Variants in GLIS1 observed in about 807,000 individuals in gnomAD.
GLIS1 encodes the protein GLIS family zinc finger 1, also known as zinc finger protein GLIS1.
In GLIS1, 24 loss-of-function variants were observed where a neutral mutation model predicts 63.8. The observed-to-expected ratio is 0.38, with a 90% CI of 0.27 to 0.53. GLIS1 has a LOEUF of 0.53. GLIS1 is among the 20% of genes least tolerant of loss of function. The pLI is 0.85. For missense variants in GLIS1, 1,036 were observed against 1,074.1 expected, an observed-to-expected ratio of 0.96 and a Z score of 0.50; for synonymous variants, 450 against 482.5, an observed-to-expected ratio of 0.93 and a Z score of 0.88.
intron 2 of GLIS1, among the ~76,000 whole-genome samples, chr1:53,632,861 G>A (rs1474928938): frequency 1.3e-5 from 2 of 150,210 alleles, no homozygotes; most frequent in African/African-American, 4.9e-5. Context: ...ATGTGACCGA[G>A]AGGCATGTGT....
intron 2 of GLIS1, among the ~76,000 whole-genome samples, chr1:53,700,038 G>C (rs1320914269): frequency 6.6e-6 from 1 of 152,194 alleles, no homozygotes; most frequent in East Asian, 1.9e-4. Flanking sequence ...CTCAAATCCA[G>C]GCTTCCCTGA....
At chr1:53,599,314 G>A (rs184412888) in intron 3 of GLIS1, among the ~76,000 whole-genome samples, 4 of 152,314 alleles carry the variant, frequency 2.6e-5, no homozygotes, top group South Asian at 2.1e-4. Context: ...ATCCGTTCAC[G>A]GGTTAATGGA....
intron 4 of GLIS1, among the ~76,000 whole-genome samples, chr1:53,556,208 TTGCAGGTGTGTGTGTA>T (rs1644822705): frequency 1.1e-5 from 1 of 93,634 alleles, no homozygotes; most frequent in South Asian, 4.1e-4. Flanking sequence ...TGCAGGTGTA[TTGCAGGTGTGTGTGTA>T]TGCAGGTGTA....
intron 2 of GLIS1, among the ~76,000 whole-genome samples, chr1:53,714,076 A>G (rs1228569224): frequency 6.6e-6 from 1 of 152,232 alleles, no homozygotes; most frequent in African/African-American, 2.4e-5. Context: ...GTGAAGAAAG[A>G]TAAGAAAGAA....
intron 2 of GLIS1, among the ~76,000 whole-genome samples, chr1:53,731,063 C>A (rs1646854877): frequency 6.6e-6 from 1 of 152,224 alleles, no homozygotes; most frequent in African/African-American, 2.4e-5. Flanking sequence ...CTTTGAAAGC[C>A]ATAGAGGGGA....
intron 2 of GLIS1, among the ~76,000 whole-genome samples, chr1:53,723,655 A>T (rs1443029854): frequency 6.6e-6 from 1 of 152,218 alleles, no homozygotes; most frequent in Admixed American, 6.5e-5. Flanking sequence ...AATAGTAGTC[A>T]TTACTGGGGG....
Position 53,639,121 on chromosome 1 carries a change from C to T in GLIS1, c.260-38843G>A, listed in dbSNP as rs1645758311. ...GAGCCAGTCCTTATTCTGACTGAGC[C>T]TCAGTTTCCTCATCTGTAAAATGAG... On this transcript the variant is annotated intron_variant, in intron 2 of 10. Transcript: ENST00000628545. This position sits in a 1 kb window ranked among gnomAD's most constrained non-coding sequence, Gnocchi z 4.6. Among the ~76,000 whole-genome samples the T allele has an allele frequency of 6.6e-6, 1 of 152,164 alleles. No individual in the cohort carries two copies. The highest frequency in any genetic ancestry group is 2.4e-5 in the African/African-American group (1 of 41,420).
chr1:53,539,419 C>T lies in GLIS1; in HGVS notation c.1321-9467G>A, dbSNP rs1369240340. ...ACTCCACAGCACATGAATGCACACC[C>T]CACACACACACCATACCACACATCA... On this transcript the variant is annotated intron_variant, in intron 4 of 10. Coordinates refer to ENST00000628545, the MANE Select transcript of GLIS1 (RefSeq NM_001367484.1). This position sits in a 1 kb window ranked among gnomAD's most constrained non-coding sequence, Gnocchi z 5.0. Among the ~76,000 whole-genome samples the T allele has an allele frequency of 6.6e-6, 1 of 150,738 alleles. No individual in the cohort carries two copies. Among genetic ancestry groups the T allele is most frequent in the Non-Finnish European group, 1.5e-5 (1 of 67,632 alleles).
At chr1:53,608,266 T>A (rs1295104700) in intron 2 of GLIS1, among the ~76,000 whole-genome samples, 1 of 152,204 alleles carries the variant, frequency 6.6e-6, no homozygotes, top group Non-Finnish European at 1.5e-5. Context: ...CAGCCTGGTG[T>A]CTCTTCTTAA....
intron 10 of GLIS1, among the ~76,000 whole-genome samples, chr1:53,508,311 A>G (rs1035949130): frequency 6.6e-6 from 1 of 152,164 alleles, no homozygotes; most frequent in Admixed American, 6.5e-5. Context: ...ACAGGGTGGT[A>G]TGTGCCCGGC....
intron 2 of GLIS1, among the ~76,000 whole-genome samples, chr1:53,613,095 A>G (rs1027139868): frequency 5.3e-5 from 8 of 152,242 alleles, no homozygotes; most frequent in African/African-American, 1.9e-4. Flanking sequence ...CTGGGATTAC[A>G]GGCGTGAGCC....
At chr1:53,707,263 G>A (rs1646588903) in intron 2 of GLIS1, among the ~76,000 whole-genome samples, 1 of 152,282 alleles carries the variant, frequency 6.6e-6, no homozygotes, top group Non-Finnish European at 1.5e-5. Flanking sequence ...TGCCATTTAA[G>A]ACCATGAGGC....
chr1:53,514,558 C>T (rs1235996473), intron 8 of GLIS1, 67 bp downstream of exon 8: 1 of 1,511,156 alleles, frequency 6.6e-7, no homozygotes, highest in East Asian at 2.3e-5. Flanking sequence ...GGGACACCTG[C>T]TCTCCCTGCC....
rs940166857 is a variant in GLIS1, at chr1:53,539,622, G to T, written c.1321-9670C>A. ...TGACTCATATCACAAAAACACACAG[G>T]CCAGGACACACATGTTCACACATAT... On this transcript the variant is annotated intron_variant, in intron 4 of 10. Transcript: ENST00000628545. The surrounding 1 kb of genome is among the most constrained non-coding windows in gnomAD (Gnocchi z 5.0). Among the ~76,000 whole-genome samples the T allele has an allele frequency of 2.0e-5, 3 of 151,412 alleles. No homozygotes were observed. The highest frequency in any genetic ancestry group is 4.9e-5 in the African/African-American group (2 of 41,102).
At chr1:53,516,572 G>A (rs1192094301) in intron 7 of GLIS1, among the ~76,000 whole-genome samples, 2 of 152,054 alleles carry the variant, frequency 1.3e-5, no homozygotes, top group African/African-American at 4.8e-5. Context: ...CCGCACTTTG[G>A]GAGGCCGAGG....
At chr1:53,515,503 A>G (rs1394265263) in intron 7 of GLIS1, among the ~76,000 whole-genome samples, 1 of 152,098 alleles carries the variant, frequency 6.6e-6, no homozygotes, top group Non-Finnish European at 1.5e-5. Context: ...GAGAGGAGTC[A>G]GCCTCATTCT....
chr1:53,556,979 C>G (rs559469022), intron 4 of GLIS1, among the ~76,000 whole-genome samples: 1 of 149,150 alleles, frequency 6.7e-6, no homozygotes, highest in Non-Finnish European at 1.5e-5. Context: ...TGTGTGTGTG[C>G]AGATGTGTGT....
intron 2 of GLIS1, among the ~76,000 whole-genome samples, chr1:53,661,602 C>G (rs1430786274): frequency 1.3e-5 from 2 of 152,114 alleles, no homozygotes; most frequent in Non-Finnish European, 2.9e-5. Flanking sequence ...GCTGAAGGAC[C>G]CTGAAGGCCT....
chr1:53,519,330 C>G (rs1644383542), intron 7 of GLIS1, among the ~76,000 whole-genome samples: 2 of 152,172 alleles, frequency 1.3e-5, no homozygotes, highest in Admixed American at 1.3e-4. Context: ...AAAGGGGGAC[C>G]CATGAGAAAG....
Sources: allele counts gnomAD v4.1 joint callset (sites outside exome capture counted in the v4.1 genomes callset), GRCh38; gene constraint gnomAD v4.1.1; non-coding constraint Gnocchi (gnomAD v3.1); transcripts MANE v1.5; gene names NCBI Gene and HGNC (gene_info 2026-07-23, HGNC 2026-07-21).